The following CREBBP variants were observed in gnomAD, a reference collection of about 807,000 sequenced individuals.
CREBBP encodes the protein CREB binding lysine acetyltransferase, also known as CREB-binding protein.
A neutral mutation model predicts 265.0 loss-of-function variants in CREBBP; 19 were observed. The observed-to-expected ratio is 0.07, with a 90% CI of 0.05 to 0.11. CREBBP has a LOEUF of 0.11. CREBBP is among the 10% of genes least tolerant of loss of function. The probability of loss-of-function intolerance (pLI) is 1.00; values close to 1 mark genes in which losing one functional copy is unlikely to be tolerated. For missense variants in CREBBP, 2,525 were observed against 3,219.0 expected (o/e 0.78, Z 5.22); for synonymous variants, 1,457 against 1,223.7 (o/e 1.19, Z -3.98).
At chr16:3,827,493 G>C (rs996582493) in intron 2 of CREBBP, among the ~76,000 whole-genome samples, 3 of 152,090 alleles carry the variant, frequency 2.0e-5, no homozygotes, top group Non-Finnish European at 4.4e-5. Flanking sequence ...CCAGGTTCAC[G>C]AGATTCTTCT....
intron 2 of CREBBP, among the ~76,000 whole-genome samples, chr16:3,812,009 CCT>C (rs963200149): frequency 1.3e-5 from 2 of 151,916 alleles, no homozygotes; most frequent in African/African-American, 4.8e-5. Context: ...ACCCTTAACC[CCT>C]GAGTTGCTTA....
chr16:3,733,853 G>A (rs1321401663), intron 28 of CREBBP, among the ~76,000 whole-genome samples: 1 of 152,064 alleles, frequency 6.6e-6, no homozygotes, highest in African/African-American at 2.4e-5. Context: ...TGTTGGCCAA[G>A]CTGGTCTCAA....
chr16:3,872,847 T>C (rs1396356745), intron 1 of CREBBP, among the ~76,000 whole-genome samples: 1 of 152,246 alleles, frequency 6.6e-6, no homozygotes, highest in Non-Finnish European at 1.5e-5. Context: ...GGCTCTGTGC[T>C]GGCTCAGCAG....
At chr16:3,733,547 T>C (rs1403659192) in intron 28 of CREBBP, among the ~76,000 whole-genome samples, 1 of 152,150 alleles carries the variant, frequency 6.6e-6, no homozygotes, top group African/African-American at 2.4e-5. Flanking sequence ...TGGCAGCAAA[T>C]GTGCCACACT....
intron 7 of CREBBP, 146 bp from the exon 8 acceptor site, chr16:3,781,024 T>C (rs2053262080): frequency 1.2e-5 from 13 of 1,115,146 alleles, no homozygotes; most frequent in Non-Finnish European, 8.0e-6. Context: ...ACTTAAACTA[T>C]GTTTTAATCT....
chr16:3,833,187 C>T (rs750125251), intron 2 of CREBBP, among the ~76,000 whole-genome samples: 9 of 152,138 alleles, frequency 5.9e-5, no homozygotes, highest in Admixed American at 2.0e-4. Context: ...CTGAGATGGG[C>T]GGACCACCTG....
At chr16:3,829,480 G>A (rs985509158) in intron 2 of CREBBP, among the ~76,000 whole-genome samples, 9 of 152,154 alleles carry the variant, frequency 5.9e-5, no homozygotes, top group African/African-American at 1.2e-4. Flanking sequence ...GCAGGACTAC[G>A]AAGGAATTGT....
intron 1 of CREBBP, among the ~76,000 whole-genome samples, chr16:3,874,511 C>A (rs967656461): frequency 5.9e-5 from 9 of 152,228 alleles, no homozygotes; most frequent in African/African-American, 2.2e-4. Context: ...CAGGCCCACT[C>A]GCCTATGGCT....
At chr16:3,854,615 C>G (rs2054921431) in intron 1 of CREBBP, among the ~76,000 whole-genome samples, 1 of 152,238 alleles carries the variant, frequency 6.6e-6, no homozygotes, top group African/African-American at 2.4e-5. Context: ...TCTTGGCCTT[C>G]CTTTACAGGA....
intron 1 of CREBBP, among the ~76,000 whole-genome samples, chr16:3,852,500 G>C (rs949079300): frequency 9.2e-5 from 14 of 152,080 alleles, no homozygotes; most frequent in Non-Finnish European, 1.6e-4. Flanking sequence ...TAAAATACAA[G>C]AAGTAAACTA....
chr16:3,775,291 C>T (rs2053110443), intron 11 of CREBBP, among the ~76,000 whole-genome samples: 1 of 152,206 alleles, frequency 6.6e-6, no homozygotes, highest in South Asian at 2.1e-4. Context: ...CAGCCGTCCT[C>T]AACCTTAGCC....
At chr16:3,798,740 A>G (rs1042809590) in intron 3 of CREBBP, among the ~76,000 whole-genome samples, 9 of 152,262 alleles carry the variant, frequency 5.9e-5, no homozygotes, top group African/African-American at 2.2e-4. Context: ...GTGGGAATGT[A>G]GAAGGCAGCA....
At chr16:3,800,813 A>G (rs2053697787) in intron 3 of CREBBP, among the ~76,000 whole-genome samples, 1 of 152,260 alleles carries the variant, frequency 6.6e-6, no homozygotes, top group African/African-American at 2.4e-5. Flanking sequence ...AGACTGTACA[A>G]TTAAATAGGT....
Position 3,794,079 on chromosome 16 carries a change from G to A in CREBBP, c.976-453C>T, listed in dbSNP as rs147161539. On this transcript the variant is annotated intron_variant, in intron 3 of 30. Coordinates refer to ENST00000262367, the MANE Select transcript of CREBBP (RefSeq NM_004380.3). ...GCGTTGGCTCACGCCTGTAATCTCA[G>A]CACTCTGGGAGGCCGAGGCAGGCGG... Among the ~76,000 whole-genome samples the A allele has an allele frequency of 1.6e-4, 25 of 151,594 alleles. 1 individual carries two copies. The East Asian group carries it at 4.5e-3, about 27-fold the overall frequency.
chr16:3,757,193 A>G (rs2052606750), intron 19 of CREBBP, 95 bp downstream of exon 19: 2 of 1,135,606 alleles, frequency 1.8e-6, no homozygotes, highest in Non-Finnish European at 2.6e-6. Context: ...GCCACTTTTT[A>G]TTGGAACTTC....
rs770961609 is a variant in CREBBP, at chr16:3,728,396, C to T, written c.6651G>A (p.Gly2217=). 9.9e-6 allele frequency: 16 copies of T among 1,613,598 alleles called. No individual in the cohort carries two copies. The highest frequency in any genetic ancestry group is 1.3e-5 in the Non-Finnish European group (15 of 1,179,822). ...QQQQQQQQQQ[G]SAGMAGGMAG... is the part of the protein sequence containing the mutation. ...CCATGCCCCCAGCCATGCCGGCACT[C>T]CCTTGCTGCTGCTGCTGTTGCTGCT... The change falls in exon 31 of 31, where the codon GGG becomes GGA. Residue 2217 remains glycine, a synonymous_variant. Coordinates refer to ENST00000262367, the MANE Select transcript of CREBBP (RefSeq NM_004380.3). This position sits in a 1 kb window ranked among gnomAD's most constrained non-coding sequence, Gnocchi z 8.7.
At chr16:3,754,326 GAGTGAT>G (rs1332688417) in intron 19 of CREBBP, among the ~76,000 whole-genome samples, 6 of 152,182 alleles carry the variant, frequency 3.9e-5, no homozygotes. Flanking sequence ...GGCAGTCTAT[GAGTGAT>G]AGATGTTATT....
At chr16:3,768,367 G>C (rs886936942) in intron 15 of CREBBP, among the ~76,000 whole-genome samples, 6 of 151,784 alleles carry the variant, frequency 4.0e-5, no homozygotes, top group African/African-American at 1.2e-4. Flanking sequence ...GGCTGGTCTC[G>C]AACTCCTGAC....
intron 9 of CREBBP, 83 bp from the exon 10 acceptor site, chr16:3,778,265 G>A (rs1421672512): frequency 8.6e-7 from 1 of 1,169,514 alleles, no homozygotes; most frequent in African/African-American, 1.5e-5. Flanking sequence ...TCTAACTAAT[G>A]AACTTCCTCA....
Sources: gnomAD v4.1 joint callset for allele counts (sites outside exome capture counted in the v4.1 genomes callset) on GRCh38, gnomAD v4.1.1 for gene constraint, Gnocchi (gnomAD v3.1) non-coding constraint, MANE v1.5 for transcripts, NCBI Gene and HGNC (gene_info 2026-07-23, HGNC 2026-07-21) for gene names.